RBFOX1: variants seen among roughly 807,000 people sequenced by gnomAD.
RBFOX1 encodes RNA binding protein fox-1 homolog 1.
RBFOX1 carries 8 observed loss-of-function variants against 57.7 expected under a neutral mutation model. The ratio of observed to expected loss-of-function variants is 0.14; its 90% CI spans 0.08 to 0.25. The LOEUF is 0.25. Ranked by LOEUF, RBFOX1 falls within the 10% of genes least tolerant of loss-of-function variation. RBFOX1 has a pLI of 1.00. For synonymous variants in RBFOX1, 326 were observed against 222.4 expected, an observed-to-expected ratio of 1.47 and a Z score of -4.15; for missense variants, 611 against 548.5, an observed-to-expected ratio of 1.11 and a Z score of -1.14.
chr16:5,332,885 C>G (rs542669777), intron 1 of RBFOX1, among the ~76,000 whole-genome samples: 5 of 152,206 alleles, frequency 3.3e-5, no homozygotes, highest in African/African-American at 1.2e-4. Context: ...AGTTATCTTT[C>G]ATTAAAAACT....
At chr16:5,360,025 C>G (rs1052430578) in intron 1 of RBFOX1, among the ~76,000 whole-genome samples, 39 of 152,314 alleles carry the variant, frequency 2.6e-4, no homozygotes, top group African/African-American at 7.9e-4. Context: ...GTAAGATGTC[C>G]TCTCATGAGC....
intron 1 of RBFOX1, among the ~76,000 whole-genome samples, chr16:6,049,053 C>CT (rs534794320): frequency 0.17 from 18,959 of 112,742 alleles, 2,024 homozygotes; most frequent in African/African-American, 0.3. Flanking sequence ...CTTCTAACAG[C>CT]TTTTTTTTTT....
At chr16:7,652,321 A>G (rs933652809) in intron 11 of RBFOX1, among the ~76,000 whole-genome samples, 3 of 152,160 alleles carry the variant, frequency 2.0e-5, no homozygotes, top group African/African-American at 7.2e-5. Flanking sequence ...GGCTGGGGTA[A>G]TCATCAGGCT....
chr16:6,031,676 G>A (rs978809712), intron 1 of RBFOX1, among the ~76,000 whole-genome samples: 1 of 152,212 alleles, frequency 6.6e-6, no homozygotes, highest in Non-Finnish European at 1.5e-5. Flanking sequence ...ATACGTGCAT[G>A]TATTGCAGCA....
intron 4 of RBFOX1, among the ~76,000 whole-genome samples, chr16:7,494,209 A>G (rs1007638971): frequency 6.6e-6 from 1 of 152,156 alleles, no homozygotes; most frequent in East Asian, 1.9e-4. Context: ...CGTTTTGAGC[A>G]TGGTGGTCAG....
intron 1 of RBFOX1, among the ~76,000 whole-genome samples, chr16:6,160,983 C>G (rs2096874273): frequency 6.6e-6 from 1 of 152,194 alleles, no homozygotes. Flanking sequence ...CTCCTTCTTC[C>G]TACCGACAAT....
At chr16:7,178,673 A>T (rs2082124150) in intron 4 of RBFOX1, among the ~76,000 whole-genome samples, 1 of 152,160 alleles carries the variant, frequency 6.6e-6, no homozygotes, top group East Asian at 1.9e-4. Flanking sequence ...TTACTTTATT[A>T]TACTCTTCTA....
chr16:7,500,745 A>G (rs1274953590), intron 4 of RBFOX1, among the ~76,000 whole-genome samples: 1 of 152,294 alleles, frequency 6.6e-6, no homozygotes, highest in Middle Eastern at 3.4e-3. Context: ...TTATGTTTAA[A>G]TGCTCCCAAT....
intron 14 of RBFOX1, among the ~76,000 whole-genome samples, chr16:7,701,077 A>G (rs749484243): frequency 2.0e-5 from 3 of 152,196 alleles, no homozygotes; most frequent in Admixed American, 6.5e-5. Context: ...AGGCAGGGAA[A>G]TCACGAGGTT....
chr16:6,424,370 C>G (rs1370990648), intron 2 of RBFOX1, among the ~76,000 whole-genome samples: 1 of 152,150 alleles, frequency 6.6e-6, no homozygotes. Context: ...ATGTCTCATT[C>G]CACTGGGTGC....
At chr16:6,620,150 C>G (rs1056210690) in intron 2 of RBFOX1, among the ~76,000 whole-genome samples, 1 of 152,136 alleles carries the variant, frequency 6.6e-6, no homozygotes, top group African/African-American at 2.4e-5. Flanking sequence ...AACAAACAGT[C>G]TCTTGCACCA....
At position 6,830,719 on chromosome 16, in the gene RBFOX1, T is replaced by A. The variant is rs73534641; in HGVS notation, c.-16+176069T>A. Among the ~76,000 whole-genome samples the A allele has an allele frequency of 4.4e-3, 667 of 152,282 alleles. 11 individuals are homozygous for A. Among genetic ancestry groups the A allele is most frequent in the African/African-American group, 0.015 (617 of 41,552 alleles). ...GTTAAGAAACGTTGCTCTATCATGG[T>A]TAAAATATGGTTCTCTACTCTTTGC... On this transcript the variant is annotated intron_variant, in intron 3 of 15. Transcript: ENST00000550418.
At chr16:6,031,331 A>G (rs1049787356) in intron 1 of RBFOX1, among the ~76,000 whole-genome samples, 1 of 152,150 alleles carries the variant, frequency 6.6e-6, no homozygotes, top group Non-Finnish European at 1.5e-5. Context: ...TGGTGAGAGC[A>G]AGGGAAGGGA....
chr16:7,122,120 A>T (rs1270465667), intron 4 of RBFOX1, among the ~76,000 whole-genome samples: 1 of 152,130 alleles, frequency 6.6e-6, no homozygotes, highest in Non-Finnish European at 1.5e-5. Flanking sequence ...CCATGACACC[A>T]AATGCACAAT....
chr16:5,597,854 A>T (rs746904195), intron 2 of RBFOX1, among the ~76,000 whole-genome samples: 7 of 152,182 alleles, frequency 4.6e-5, no homozygotes, highest in Non-Finnish European at 8.8e-5. Context: ...GCTCAGTTCA[A>T]GCTGAGGCTC....
At chr16:7,693,284 G>A in intron 14 of RBFOX1, 1 of 1,604,064 alleles carries the variant, frequency 6.2e-7, no homozygotes, top group Non-Finnish European at 8.5e-7. Flanking sequence ...CCCTGAGCGA[G>A]CAGTATTGTG....
intron 3 of RBFOX1, among the ~76,000 whole-genome samples, chr16:7,021,891 C>G (rs1323630740): frequency 1.6e-5 from 2 of 121,392 alleles, no homozygotes; most frequent in Non-Finnish European, 3.2e-5. Context: ...CTCTTTCTTT[C>G]TTTCTTTTCT....
At chr16:6,471,705 A>G (rs2095178509) in intron 2 of RBFOX1, among the ~76,000 whole-genome samples, 1 of 152,106 alleles carries the variant, frequency 6.6e-6, no homozygotes, top group South Asian at 2.1e-4. Flanking sequence ...GCCACAGGGA[A>G]GAGGTTTATT....
chr16:6,065,177 G>T (rs555339293), intron 1 of RBFOX1, among the ~76,000 whole-genome samples: 5 of 149,454 alleles, frequency 3.3e-5, no homozygotes, highest in African/African-American at 1.2e-4. Context: ...ACAGGTGTGT[G>T]CCACCATCAC....
Sources: gnomAD v4.1 joint callset for allele counts (sites outside exome capture counted in the v4.1 genomes callset) on GRCh38, gnomAD v4.1.1 for gene constraint, MANE v1.5 for transcripts, NCBI Gene and HGNC (gene_info 2026-07-23, HGNC 2026-07-21) for gene names.